Variants in HHAT observed in about 807,000 individuals in gnomAD.
The protein encoded by HHAT is hedgehog acyltransferase.
A neutral mutation model predicts 70.8 loss-of-function variants in HHAT; 47 were observed. That is an observed-to-expected ratio of 0.66 (90% CI 0.53 to 0.85). The LOEUF is 0.85. Ranked by LOEUF, HHAT falls within the 40% of genes least tolerant of loss-of-function variation. The pLI is 0.00. For missense variants in HHAT, 609 were observed against 604.8 expected, an observed-to-expected ratio of 1.01 and a Z score of -0.07; for synonymous variants, 228 against 247.6, an observed-to-expected ratio of 0.92 and a Z score of 0.74.
chr1:210,374,285 C>G (rs1028784253), intron 3 of HHAT: 1 of 152,180 alleles, frequency 6.6e-6, no homozygotes, highest in South Asian at 2.1e-4. Context: ...CAAATTAGTT[C>G]AACTCATTGT....
At chr1:210,540,516 AAC>A (rs2095419260) in intron 9 of HHAT, among the ~76,000 whole-genome samples, 1 of 102,444 alleles carries the variant, frequency 9.8e-6, no homozygotes, top group South Asian at 4.1e-4. Flanking sequence ...CACACACACA[AAC>A]ACACGCTCTC....
Position 210,674,436 on chromosome 1 carries a change from C to A in HHAT, c.*57C>A. On this transcript the variant is annotated 3_prime_UTR_variant, in exon 12 of 12. Coordinates refer to ENST00000261458, the MANE Select transcript of HHAT (RefSeq NM_018194.6). ...GGCCTCCAAGGCAAATAGTGCTTCA[C>A]CCTGACCTCTCACTCCAGGACAGCC... The A allele has an allele frequency of 7.3e-7, 1 of 1,364,596 alleles. No individual in the cohort carries two copies. Among genetic ancestry groups the A allele is most frequent in the Non-Finnish European group, 1.0e-6 (1 of 957,168 alleles). The allele number at this position is 1,364,596 out of a possible 1,614,324, so 84.5% of individuals were successfully genotyped here. A position where few individuals can be genotyped will look rare whatever the true frequency, so the allele number is the denominator to read the frequency against.
chr1:210,423,653 C>T (rs1420389525), intron 7 of HHAT, among the ~76,000 whole-genome samples: 1 of 152,120 alleles, frequency 6.6e-6, no homozygotes, highest in Non-Finnish European at 1.5e-5. Context: ...GACGGATTCT[C>T]CTAATGCTTT....
intron 9 of HHAT, among the ~76,000 whole-genome samples, chr1:210,575,557 A>G (rs1417188147): frequency 6.6e-6 from 1 of 152,202 alleles, no homozygotes; most frequent in Admixed American, 6.5e-5. Context: ...GAAGAGGGTT[A>G]GAAACCCCAG....
intron 9 of HHAT, among the ~76,000 whole-genome samples, chr1:210,577,435 T>A (rs568124364): frequency 7.2e-5 from 11 of 152,292 alleles, no homozygotes; most frequent in African/African-American, 2.6e-4. Context: ...GTTAAGATGA[T>A]AACGAAGGCT....
chr1:210,562,211 T>C (rs1304976270), intron 9 of HHAT, among the ~76,000 whole-genome samples: 2 of 151,604 alleles, frequency 1.3e-5, no homozygotes, highest in Non-Finnish European at 2.9e-5. Context: ...CCCTTTAGTG[T>C]AAACAATATT....
chr1:210,419,967 CAA>C, intron 7 of HHAT, among the ~76,000 whole-genome samples: 1 of 152,226 alleles, frequency 6.6e-6, no homozygotes, highest in Admixed American at 6.5e-5. Flanking sequence ...TTCCATATAA[CAA>C]TGATACTTAA....
chr1:210,373,041 A>T (rs756340222), intron 3 of HHAT, among the ~76,000 whole-genome samples: 1 of 152,204 alleles, frequency 6.6e-6, no homozygotes, highest in Admixed American at 6.5e-5. Context: ...TTTGAATTGT[A>T]GTCATGTCTG....
intron 10 of HHAT, among the ~76,000 whole-genome samples, chr1:210,599,737 C>A (rs1219094888): frequency 2.6e-5 from 4 of 152,162 alleles, no homozygotes; most frequent in Admixed American, 2.6e-4. Context: ...CCTCCCCCTT[C>A]CATTTATTAT....
chr1:210,415,516 C>T (rs1056326976), intron 6 of HHAT, among the ~76,000 whole-genome samples: 1 of 152,198 alleles, frequency 6.6e-6, no homozygotes, highest in Non-Finnish European at 1.5e-5. Flanking sequence ...TCAAATTCTG[C>T]TTCCTGTGAA....
chr1:210,674,424 A>G lies in HHAT; in HGVS notation c.*45A>G, dbSNP rs774610788. The G allele has an allele frequency of 3.2e-5, 48 of 1,483,644 alleles. No individual in the cohort carries two copies. Among genetic ancestry groups the G allele is most frequent in the Non-Finnish European group, 4.3e-5 (46 of 1,062,992 alleles). 91.9% of individuals were successfully genotyped at this position (1,483,644 alleles called of 1,614,324 possible). A position where few individuals can be genotyped will look rare whatever the true frequency, so the allele number is the denominator to read the frequency against. On this transcript the variant is annotated 3_prime_UTR_variant, in exon 12 of 12. Transcript: ENST00000261458. Reference sequence around the variant, plus strand: ...GTCCTTGTTGCTGGCCTCCAAGGCAAATAGTGCTTCACCCTGACCTCTCAC... The same window carrying G: ...GTCCTTGTTGCTGGCCTCCAAGGCAGATAGTGCTTCACCCTGACCTCTCAC...
At chr1:210,672,360 GCCTCCTC>G (rs1680261301) in intron 11 of HHAT, among the ~76,000 whole-genome samples, 1 of 152,204 alleles carries the variant, frequency 6.6e-6, no homozygotes, top group Admixed American at 6.5e-5. Context: ...CTGTCTGCCT[GCCTCCTC>G]CCTATGCAGC....
At chr1:210,349,211 T>C in intron 2 of HHAT, 145 bp downstream of exon 2, 1 of 842,936 alleles carries the variant, frequency 1.2e-6, no homozygotes, top group Non-Finnish European at 1.8e-6. Flanking sequence ...TTGGATAGTT[T>C]GAATCAGTGA....
At chr1:210,381,326 G>A (rs753907511) in intron 3 of HHAT, among the ~76,000 whole-genome samples, 1 of 151,868 alleles carries the variant, frequency 6.6e-6, no homozygotes, top group African/African-American at 2.4e-5. Flanking sequence ...TGTTACCTAG[G>A]TTGGAGTGCA....
At chr1:210,478,157 TG>T (rs1452822949) in intron 8 of HHAT, among the ~76,000 whole-genome samples, 1 of 152,190 alleles carries the variant, frequency 6.6e-6, no homozygotes, top group African/African-American at 2.4e-5. Context: ...CCTCCTGAGT[TG>T]TGTGGTCACT....
chr1:210,567,391 C>T (rs985533505), intron 9 of HHAT, among the ~76,000 whole-genome samples: 10 of 152,188 alleles, frequency 6.6e-5, no homozygotes, highest in African/African-American at 2.2e-4. Flanking sequence ...TTTTCCTCAT[C>T]TGGAAATTAA....
chr1:210,450,289 TCA>T (rs2093723436), intron 7 of HHAT, among the ~76,000 whole-genome samples: 1 of 89,274 alleles, frequency 1.1e-5, no homozygotes. Flanking sequence ...AGACTGCGTC[TCA>T]GGTGGGGGGG....
At chr1:210,519,213 C>A (rs2095110395) in intron 9 of HHAT, among the ~76,000 whole-genome samples, 1 of 152,210 alleles carries the variant, frequency 6.6e-6, no homozygotes, top group Admixed American at 6.5e-5. Flanking sequence ...TTAACTTTCA[C>A]AGTGTGTATA....
At position 210,362,805 on chromosome 1, in the gene HHAT, G is replaced by A. The variant is rs577189471; in HGVS notation, c.92-47G>A. The A allele has an allele frequency of 2.6e-6, 4 of 1,521,448 alleles. No homozygotes were observed. The African/African-American group carries it at 5.5e-5, about 21-fold the overall frequency. 94.2% of individuals were successfully genotyped at this position (1,521,448 alleles called of 1,614,324 possible). A position where few individuals can be genotyped will look rare whatever the true frequency, so the allele number is the denominator to read the frequency against. Reference sequence around the variant, plus strand: ...GTGCTTCAGCTCTTCAGCCAGCCCAGTTTTGTTTAGATTTGTGACTAACGA... The same window carrying A: ...GTGCTTCAGCTCTTCAGCCAGCCCAATTTTGTTTAGATTTGTGACTAACGA... On this transcript the variant is annotated intron_variant, in intron 2 of 11. Coordinates refer to ENST00000261458, the MANE Select transcript of HHAT (RefSeq NM_018194.6).
Sources: gnomAD v4.1 joint callset for allele counts (sites outside exome capture counted in the v4.1 genomes callset) on GRCh38, gnomAD v4.1.1 for gene constraint, MANE v1.5 for transcripts, NCBI Gene and HGNC (gene_info 2026-07-23, HGNC 2026-07-21) for gene names.